ATP2A1: variants seen among roughly 807,000 people sequenced by gnomAD.
ATP2A1 encodes sarcoplasmic/endoplasmic reticulum calcium ATPase 1.
A neutral mutation model predicts 109.5 loss-of-function variants in ATP2A1; 83 were observed. That is an observed-to-expected ratio of 0.76 (90% CI 0.63 to 0.91). The LOEUF is 0.91. ATP2A1 is among the 40% of genes least tolerant of loss of function. ATP2A1 has a pLI of 0.00. For synonymous variants in ATP2A1, 505 were observed against 537.6 expected (o/e 0.94, Z 0.84); for missense variants, 1,101 against 1,341.0 (o/e 0.82, Z 2.80).
chr16:28,896,388 A>G (rs1436839434), intron 12 of ATP2A1, among the ~76,000 whole-genome samples: 1 of 151,266 alleles, frequency 6.6e-6, no homozygotes, highest in East Asian at 1.9e-4. Flanking sequence ...CACAATGCCC[A>G]GCTAACTTTC....
At position 28,887,654 on chromosome 16, in the gene ATP2A1, C is replaced by T. The variant is rs1201111537; in HGVS notation, c.860C>T (p.Ser287Phe). The T allele has an allele frequency of 6.2e-6, 10 of 1,614,158 alleles. No individual in the cohort carries two copies. The highest frequency in any genetic ancestry group is 8.5e-6 in the Non-Finnish European group (10 of 1,180,040). The change falls in exon 8 of 23, where the codon TCC becomes TTC. Residue 287 changes from serine to phenylalanine, a missense_variant. Physicochemically the swap from Ser to Phe is radical, Grantham distance 155 (BLOSUM62 -2). Transcript: ENST00000395503. ...TTCAACGACCCCGTCCATGGGGGCT[C>T]CTGGTTCCGCGGGGCCATCTACTAC... ...GHFNDPVHGG[S>F]WFRGAIYYFK...
Position 28,902,494 on chromosome 16 carries a change from C to T in ATP2A1, c.2525-86C>T. On this transcript the variant is annotated intron_variant, in intron 17 of 22. Coordinates refer to ENST00000395503, the MANE Select transcript of ATP2A1 (RefSeq NM_004320.6). The surrounding 1 kb of genome is among the most constrained non-coding windows in gnomAD (Gnocchi z 4.8). Reference sequence around the variant, plus strand: ...TGAGAGGGTCTTCTTCCTTGGCCAGCCTGTCCATGGCCACATGAGGCCCTC... The same window carrying T: ...TGAGAGGGTCTTCTTCCTTGGCCAGTCTGTCCATGGCCACATGAGGCCCTC... 1.9e-6 allele frequency: 3 copies of T among 1,562,026 alleles called. No individual in the cohort carries two copies. In the South Asian group the frequency reaches 3.4e-5, roughly 18 times the overall value.
intron 9 of ATP2A1, among the ~76,000 whole-genome samples, chr16:28,891,898 A>G (rs1402075179): frequency 6.6e-6 from 1 of 152,022 alleles, no homozygotes; most frequent in African/African-American, 2.4e-5. Context: ...ATAAAATAAA[A>G]CAAAAATAAA....
intron 9 of ATP2A1, 142 bp downstream of exon 9, chr16:28,889,095 A>G (rs1963698750): frequency 1.6e-6 from 2 of 1,236,434 alleles, no homozygotes; most frequent in Admixed American, 3.7e-5. Flanking sequence ...GTAGAACGCC[A>G]TCCTGTCTGC....
chr16:28,879,932 G>C, intron 3 of ATP2A1: 1 of 946,754 alleles, frequency 1.1e-6, no homozygotes, highest in Non-Finnish European at 1.3e-6. Context: ...TGCCACTCCC[G>C]GCATGCGCCG....
intron 2 of ATP2A1, 39 bp from the exon 3 acceptor site, chr16:28,879,462 G>T: frequency 6.3e-7 from 1 of 1,591,196 alleles, no homozygotes; most frequent in South Asian, 1.1e-5. Context: ...TCACCCACTA[G>T]ACCTTAACCC....
At chr16:28,882,762 C>T (rs1335720601) in intron 5 of ATP2A1, among the ~76,000 whole-genome samples, 173 bp downstream of exon 5, 3 of 152,234 alleles carry the variant, frequency 2.0e-5, no homozygotes, top group Admixed American at 2.0e-4. Context: ...CCCCCCCTCC[C>T]CAGCGGAGTC....
At position 28,902,791 on chromosome 16, in the gene ATP2A1, A is replaced by C; in HGVS notation, c.2624A>C (p.Gln875Pro). The C allele has an allele frequency of 2.5e-6, 4 of 1,613,706 alleles. No homozygotes were observed. The highest frequency in any genetic ancestry group is 3.4e-6 in the Non-Finnish European group (4 of 1,179,858). ...CCTTCCCTGCAGACTCACTTCATGC[A>C]GTGCACCGAGGACAACACCCACTTT... ...VNYSQLTHFM[Q>P]CTEDNTHFEG... Residue 875 changes from glutamine to proline, a missense_variant, in exon 19 of 23, where the codon CAG (glutamine) becomes CCG (proline). Physicochemically the swap from Gln to Pro is moderately conservative, Grantham distance 76 (BLOSUM62 -1). Transcript: ENST00000395503. This position sits in a 1 kb window ranked among gnomAD's most constrained non-coding sequence, Gnocchi z 4.8.
intron 12 of ATP2A1, among the ~76,000 whole-genome samples, chr16:28,897,287 C>T (rs566908767): frequency 3.6e-4 from 54 of 152,070 alleles, no homozygotes; most frequent in Middle Eastern, 3.4e-3. Flanking sequence ...CTTGAGGCCA[C>T]GAGTGAGACC....
Position 28,883,809 on chromosome 16 carries a change from A to G in ATP2A1, c.464-766A>G, listed in dbSNP as rs8061590. 0.36 allele frequency among the ~76,000 whole-genome samples: 53,671 copies of G among 150,722 alleles called. 10,044 individuals are homozygous for G. The highest frequency in any genetic ancestry group is 0.41 in the Admixed American group (6,274 of 15,172). On this transcript the variant is annotated intron_variant, in intron 5 of 22. Transcript: ENST00000395503. This position sits in a 1 kb window ranked among gnomAD's most constrained non-coding sequence, Gnocchi z 5.2. ...CCCCGCTTCTCTCCTGTCCCATCCC[A>G]TCCTGTCTTGTCCATGTCCCCAGCT...
chr16:28,902,206 G>A lies in ATP2A1; in HGVS notation c.2344G>A (p.Gly782Arg). 2.5e-6 allele frequency: 4 copies of A among 1,614,128 alleles called. No individual in the cohort carries two copies. Among genetic ancestry groups the A allele is most frequent in the Non-Finnish European group, 3.4e-6 (4 of 1,180,022 alleles). ...VVCIFLTAAL[G>R]LPEALIPVQL... The stretch of plus-strand genomic sequence containing the variant: ...CAGTATCTTCCTGACCGCTGCCCTG[G>A]GGCTGCCTGAGGCCCTGATCCCGGT... Residue 782 changes from glycine (G) to arginine (R), a missense_variant, in exon 17 of 23, where the codon GGG (glycine) becomes AGG (arginine). By Grantham distance (125) the Gly-to-Arg change is moderately radical. Coordinates refer to ENST00000395503, the MANE Select transcript of ATP2A1 (RefSeq NM_004320.6). The surrounding 1 kb of genome is among the most constrained non-coding windows in gnomAD (Gnocchi z 4.8).
Position 28,900,793 on chromosome 16 carries a change from C to G in ATP2A1, c.1977C>G (p.Asp659Glu). Reference protein sequence around the residue: ...ADRAYTGREFDDLPLAEQREA... With the variant: ...ADRAYTGREFEDLPLAEQREA... ...GCGCCTACACGGGCCGAGAGTTCGA[C>G]GACCTGCCCCTGGCTGAACAGCGGG... Residue 659 changes from aspartate (D) to glutamate (E), a missense_variant, in exon 15 of 23, where the codon GAC becomes GAG. By Grantham distance (45) the Asp-to-Glu change is conservative. Coordinates refer to ENST00000395503, the MANE Select transcript of ATP2A1 (RefSeq NM_004320.6). The G allele has an allele frequency of 6.2e-7, 1 of 1,614,202 alleles. No individual in the cohort carries two copies. Among genetic ancestry groups the G allele is most frequent in the Non-Finnish European group, 8.5e-7 (1 of 1,180,050 alleles).
Position 28,879,526 on chromosome 16 carries a change from A to G in ATP2A1, c.162A>G (p.Ile54Met). The change falls in exon 3 of 23, where the codon ATA becomes ATG. Residue 54 changes from isoleucine (I) to methionine (M), a missense_variant. Coordinates refer to ENST00000395503, the MANE Select transcript of ATP2A1 (RefSeq NM_004320.6). ...EEGKTLWELV[I>M]EQFEDLLVRI... The stretch of plus-strand genomic sequence containing the variant: ...GGAAGACCCTGTGGGAGCTGGTGAT[A>G]GAGCAGTTTGAAGACCTCCTGGTGC... 6.2e-7 allele frequency: 1 copy of G among 1,614,136 alleles called. No individual in the cohort carries two copies. The highest frequency in any genetic ancestry group is 8.5e-7 in the Non-Finnish European group (1 of 1,180,008).
intron 8 of ATP2A1, among the ~76,000 whole-genome samples, chr16:28,888,181 C>T (rs185107998): frequency 1.4e-4 from 21 of 152,092 alleles, no homozygotes; most frequent in South Asian, 4.2e-4. Flanking sequence ...TACAGGTGCA[C>T]GCCACCATGC....
rs367598499 is a variant in ATP2A1, at chr16:28,902,941, C to G, written c.2744+30C>G. The stretch of plus-strand genomic sequence containing the variant: ...GGGCCCCCCAGCTACACCCACCACC[C>G]TCCCCTGAGGCCACTGCCCACATCC... On this transcript the variant is annotated intron_variant, in intron 19 of 22. Transcript: ENST00000395503. The surrounding 1 kb of genome is among the most constrained non-coding windows in gnomAD (Gnocchi z 4.8). The G allele has an allele frequency of 1.2e-6, 2 of 1,613,764 alleles. No homozygotes were observed. The highest frequency in any genetic ancestry group is 8.5e-7 in the Non-Finnish European group (1 of 1,179,932).
Position 28,903,170 on chromosome 16 carries a change from C to T in ATP2A1, c.2862+23C>T. ...CCGGTGAGGTTTCTTCCGCCCAGGG[C>T]CGCCCACCCCAGCACTGGGGAGCCC... On this transcript the variant is annotated intron_variant, in intron 20 of 22. Coordinates refer to ENST00000395503, the MANE Select transcript of ATP2A1 (RefSeq NM_004320.6). This position sits in a 1 kb window ranked among gnomAD's most constrained non-coding sequence, Gnocchi z 5.6. 6.2e-7 allele frequency: 1 copy of T among 1,611,338 alleles called. No homozygotes were observed.
intron 14 of ATP2A1, 80 bp from the exon 15 acceptor site, chr16:28,900,500 AT>A: frequency 1.6e-6 from 1 of 617,664 alleles, no homozygotes; most frequent in African/African-American, 2.4e-5. Flanking sequence ...CTTTCACCCC[AT>A]CCCCACCCCC....
intron 9 of ATP2A1, among the ~76,000 whole-genome samples, chr16:28,889,548 G>C (rs1226203368): frequency 6.6e-6 from 1 of 152,154 alleles, no homozygotes; most frequent in African/African-American, 2.4e-5. Flanking sequence ...GTGAGCCACG[G>C]CACCCAGCCT....
intron 3 of ATP2A1, 35 bp downstream of exon 3, chr16:28,879,618 G>A: frequency 1.2e-6 from 2 of 1,605,286 alleles, no homozygotes; most frequent in Non-Finnish European, 1.7e-6. Flanking sequence ...GCTGGCTGGG[G>A]GTGTGAGGCT....
Sources: gnomAD v4.1 joint callset for allele counts (sites outside exome capture counted in the v4.1 genomes callset) on GRCh38, gnomAD v4.1.1 for gene constraint, Gnocchi (gnomAD v3.1) non-coding constraint, MANE v1.5 for transcripts, NCBI Gene and HGNC (gene_info 2026-07-23, HGNC 2026-07-21) for gene names.